Variants in ERN2 observed in about 807,000 individuals in gnomAD.
The protein encoded by ERN2 is endoplasmic reticulum to nucleus signaling 2.
Under a neutral mutation model 107.9 loss-of-function variants are expected in ERN2, and 111 were observed. The ratio of observed to expected loss-of-function variants is 1.03; its 90% CI spans 0.88 to 1.20. The LOEUF is 1.20. ERN2 is among the 50% of genes most tolerant of loss of function. The pLI is 0.00. For missense variants in ERN2, 1,225 were observed against 1,197.9 expected (o/e 1.02, Z -0.33); for synonymous variants, 524 against 501.7 (o/e 1.04, Z -0.59).
At chr16:23,700,209 T>C (rs1567247863) in intron 13 of ERN2, among the ~76,000 whole-genome samples, 1 of 152,184 alleles carries the variant, frequency 6.6e-6, no homozygotes, top group East Asian at 1.9e-4. Flanking sequence ...TGGTGGTTTA[T>C]GCCTGTAGTC....
intron 13 of ERN2, 21 bp downstream of exon 13, chr16:23,700,518 G>C (rs769575368): frequency 6.3e-7 from 1 of 1,599,542 alleles, no homozygotes; most frequent in Admixed American, 1.7e-5. Flanking sequence ...TGACTGCCCT[G>C]TCTTGTTCAC....
intron 1 of ERN2, chr16:23,712,035 G>A (rs1484315736): frequency 6.6e-6 from 3 of 454,358 alleles, no homozygotes; most frequent in Non-Finnish European, 1.3e-5. Context: ...GTGAGGCTGA[G>A]CTCCCAGCAG....
intron 11 of ERN2, 122 bp downstream of exon 11, chr16:23,702,030 T>C: frequency 1.0e-6 from 1 of 990,140 alleles, no homozygotes; most frequent in Non-Finnish European, 1.5e-6. Flanking sequence ...TGGGAAATTG[T>C]GTGAGGTCAA....
rs750211972 is a variant in ERN2 at position 23,702,228 on chromosome 16, A to AC, written c.1126dup (p.Val376GlyfsTer62). ...AGTTCCACTCCCCAGGGTGGGATGG[A>AC]CCCTCAGCATGGTGGTGTGCAGGAC... is the stretch of plus-strand genomic sequence containing the variant. On this transcript the variant is annotated frameshift_variant, in exon 11 of 22. Transcript: ENST00000256797. LOFTEE classifies it high-confidence loss of function. 50 of 1,613,852 alleles carry AC rather than the reference A, an allele frequency of 3.1e-5. 1 individual carries two copies. In the South Asian group the frequency reaches 5.5e-4, roughly 18 times the overall value.
chr16:23,696,115 GC>G, intron 13 of ERN2, 137 bp from the exon 14 acceptor site: 2 of 657,134 alleles, frequency 3.0e-6, no homozygotes, highest in Non-Finnish European at 2.8e-6. Context: ...AAGAGCAAGG[GC>G]CCAAGTGCCA....
rs370106102 is a variant in ERN2 at position 23,692,235 on chromosome 16, T to C, written c.2197A>G (p.Asn733Asp). 8.7e-6 allele frequency: 14 copies of C among 1,614,172 alleles called. No individual in the cohort carries two copies. The highest frequency in any genetic ancestry group is 1.2e-5 in the Non-Finnish European group (14 of 1,180,030). ...PFGDSLYRQA[N>D]ILTGAPCLAH... Reference sequence around the variant, plus strand: ...AGACAGGGAGCCCCTGTGAGGATGTTTGCCTGGCGATAAAGACTGTCTCCA... The same window carrying C: ...AGACAGGGAGCCCCTGTGAGGATGTCTGCCTGGCGATAAAGACTGTCTCCA... Residue 733 changes from asparagine (N) to aspartate (D), a missense_variant, in exon 18 of 22, where the codon AAC (asparagine) becomes GAC (aspartate). Asn to Asp is a conservative substitution (Grantham distance 23, BLOSUM62 1). Transcript: ENST00000256797.
intron 13 of ERN2, 97 bp downstream of exon 13, chr16:23,700,442 C>T: frequency 8.0e-7 from 1 of 1,246,134 alleles, no homozygotes; most frequent in Non-Finnish European, 1.1e-6. Context: ...ACCTAACCAC[C>T]CCACTATAGT....
chr16:23,695,518 G>A lies in ERN2; in HGVS notation c.1611-129C>T, dbSNP rs1041723469. ...AGGCGGGCGGGTCACTTGAGGTCAG[G>A]AGTTCGAGACCAGCCTGGCCAACAT... On this transcript the variant is annotated intron_variant, in intron 14 of 21. Coordinates refer to ENST00000256797, the MANE Select transcript of ERN2 (RefSeq NM_033266.4). 3.4e-5 allele frequency: 27 copies of A among 790,344 alleles called. No homozygotes were observed. In the African/African-American group the frequency reaches 4.3e-4, roughly 13 times the overall value. The allele number at this position is 790,344 out of a possible 1,614,324, so 49.0% of individuals were successfully genotyped here.
chr16:23,695,930 A>C lies in ERN2; in HGVS notation c.1574T>G (p.Val525Gly), dbSNP rs1567245428. 6.2e-7 allele frequency: 1 copy of C among 1,614,172 alleles called. No individual in the cohort carries two copies. The highest frequency in any genetic ancestry group is 1.7e-5 in the Admixed American group (1 of 60,024). Residue 525 changes from valine to glycine, a missense_variant, in exon 14 of 22, where the codon GTG becomes GGG. By Grantham distance (109) the Val-to-Gly change is moderately radical. Coordinates refer to ENST00000256797, the MANE Select transcript of ERN2 (RefSeq NM_033266.4). The stretch of plus-strand genomic sequence containing the variant: ...AGTCCCGCCTGCCCCGCGGCCCAGC[A>C]CGTCCTTGGGATTGAAGGAAATCTT... ...VGKISFNPKD[V>G]LGRGAGGTFV...
At chr16:23,708,347 C>CTTTTTT (rs747761449) in intron 4 of ERN2, among the ~76,000 whole-genome samples, 3 of 54,716 alleles carry the variant, frequency 5.5e-5, no homozygotes, top group Admixed American at 2.4e-4. Context: ...TGGTGCTATT[C>CTTTTTT]TTTTTTTTTT....
intron 4 of ERN2, chr16:23,707,412 C>T: frequency 3.0e-6 from 1 of 334,996 alleles, no homozygotes; most frequent in East Asian, 7.9e-5. Context: ...GACCTGACCA[C>T]CTCCTCGAAA....
intron 1 of ERN2, chr16:23,712,050 C>T: frequency 2.2e-6 from 1 of 454,096 alleles, no homozygotes; most frequent in Non-Finnish European, 4.4e-6. Flanking sequence ...CAGCAGGAGG[C>T]CTAACATCCG....
rs1597155038 is a variant in ERN2 at position 23,706,086 on chromosome 16, T to A, written c.589+244A>T. The A allele has an allele frequency of 1.2e-5, 5 of 433,528 alleles. No homozygotes were observed. In the East Asian group the frequency reaches 2.0e-4, roughly 18 times the overall value. 26.9% of individuals were successfully genotyped at this position (433,528 alleles called of 1,614,324 possible). A position where few individuals can be genotyped will look rare whatever the true frequency, so the allele number is the denominator to read the frequency against. On this transcript the variant is annotated intron_variant, in intron 7 of 21. Coordinates refer to ENST00000256797, the MANE Select transcript of ERN2 (RefSeq NM_033266.4). Reference sequence around the variant, plus strand: ...GGGAAGTCATCCAGGGTTACCCGGTTGGGGCCACTTGGAGTATAGAAGAGT... The same window carrying A: ...GGGAAGTCATCCAGGGTTACCCGGTAGGGGCCACTTGGAGTATAGAAGAGT...
At position 23,691,330 on chromosome 16, in the gene ERN2, G is replaced by A. The variant is rs775420918; in HGVS notation, c.2472C>T (p.His824=). 17 of 1,608,502 alleles carry A rather than the reference G, an allele frequency of 1.1e-5. No homozygotes were observed. In the African/African-American group the frequency reaches 1.3e-4, roughly 13 times the overall value. ...GGCAVVRDNW[H]EHISMPLQTD... The stretch of plus-strand genomic sequence containing the variant: ...TCTGCAGCGGCATGGAGATGTGCTC[G>A]TGCCAGTTGTCCCGGACCACTGCGC... The change falls in exon 20 of 22, where the codon CAC becomes CAT. Residue 824 remains histidine, a synonymous_variant. Coordinates refer to ENST00000256797, the MANE Select transcript of ERN2 (RefSeq NM_033266.4).
chr16:23,708,617 C>T (rs1159595268), intron 4 of ERN2, among the ~76,000 whole-genome samples: 4 of 152,102 alleles, frequency 2.6e-5, no homozygotes, highest in Non-Finnish European at 4.4e-5. Context: ...CTCAGCCTCC[C>T]AAAGTGCTGG....
At chr16:23,698,017 A>G (rs1306795542) in intron 13 of ERN2, among the ~76,000 whole-genome samples, 2 of 152,136 alleles carry the variant, frequency 1.3e-5, no homozygotes, top group African/African-American at 4.8e-5. Context: ...CCCAAGCTCA[A>G]TTCTAAAGTA....
chr16:23,694,910 G>T lies in ERN2; in HGVS notation c.1918C>A (p.Pro640Thr). 1 of 1,614,220 alleles carries T rather than the reference G, an allele frequency of 6.2e-7. No individual in the cohort carries two copies. Among genetic ancestry groups the T allele is most frequent in the East Asian group, 2.2e-5 (1 of 44,886 alleles). The part of the protein sequence containing the change: ...SLHIVHRDLK[P>T]GNILITGPDS... ...GGCCCGGTGATGAGAATATTTCCTGGCTTCAGGTCCCGGTGCACTGTGGGA... is the reference window on the plus strand; with the variant it reads ...GGCCCGGTGATGAGAATATTTCCTGTCTTCAGGTCCCGGTGCACTGTGGGA... The change falls in exon 17 of 22, where the codon CCA (proline) becomes ACA (threonine). Residue 640 changes from proline (P) to threonine (T), a missense_variant. Coordinates refer to ENST00000256797, the MANE Select transcript of ERN2 (RefSeq NM_033266.4).
In ERN2 at chr16:23,713,152, G is replaced by T; in HGVS notation, c.36C>A (p.Pro12=). The T allele has an allele frequency of 6.4e-7, 1 of 1,574,676 alleles. No homozygotes were observed. The highest frequency in any genetic ancestry group is 8.6e-7 in the Non-Finnish European group (1 of 1,166,138). The part of the protein sequence containing the change: ...ASAVRGSRPW[P]RLGLQLQFAA... ...CGAACTGGAGCTGGAGCCCCAGCCGGGGCCACGGCCTCGACCCCCTGACCG... is the reference window on the plus strand; with the variant it reads ...CGAACTGGAGCTGGAGCCCCAGCCGTGGCCACGGCCTCGACCCCCTGACCG... Residue 12 remains proline (P), a synonymous_variant, in exon 1 of 22, where the codon CCC becomes CCA. Transcript: ENST00000256797.
Position 23,704,879 on chromosome 16 carries a change from C to G in ERN2, c.854+4G>C. The G allele has an allele frequency of 6.2e-7, 1 of 1,606,746 alleles. No individual in the cohort carries two copies. Among genetic ancestry groups the G allele is most frequent in the Non-Finnish European group, 8.5e-7 (1 of 1,179,582 alleles). ...CTCCCTGGGCCCCAGGCACGAACAC[C>G]TACAGCAGCTGGGTGTCCAAGGTAG... On this transcript the variant is annotated splice_donor_region_variant and intron_variant, in intron 8 of 21. Coordinates refer to ENST00000256797, the MANE Select transcript of ERN2 (RefSeq NM_033266.4).
Sources: allele counts gnomAD v4.1 joint callset (sites outside exome capture counted in the v4.1 genomes callset), GRCh38; gene constraint gnomAD v4.1.1; transcripts MANE v1.5; gene names NCBI Gene and HGNC (gene_info 2026-07-23, HGNC 2026-07-21).